Variants in BMP6 observed in about 807,000 individuals in gnomAD.
BMP6 encodes bone morphogenetic protein 6.
A neutral mutation model predicts 54.1 loss-of-function variants in BMP6; 17 were observed. The observed-to-expected ratio is 0.31, with a 90% CI of 0.22 to 0.47. The LOEUF is 0.47. Among genes scored for constraint, BMP6 ranks in the 20% least tolerant of loss-of-function variants. The pLI, the probability that BMP6 is intolerant of heterozygous loss-of-function variation, is 1.00. For synonymous variants in BMP6, 328 were observed against 291.2 expected, an observed-to-expected ratio of 1.13 and a Z score of -1.28; for missense variants, 720 against 690.4, an observed-to-expected ratio of 1.04 and a Z score of -0.48.
intron 1 of BMP6, among the ~76,000 whole-genome samples, chr6:7,730,210 C>T (rs1761827833): frequency 6.6e-6 from 1 of 152,204 alleles, no homozygotes; most frequent in Non-Finnish European, 1.5e-5. Flanking sequence ...CTCTGAGTCA[C>T]ACTGCTTAAA....
chr6:7,827,443 G>C (rs1031631052), intron 1 of BMP6, among the ~76,000 whole-genome samples: 1 of 152,240 alleles, frequency 6.6e-6, no homozygotes, highest in Non-Finnish European at 1.5e-5. Context: ...AGGAGGGAGA[G>C]AGAGTAACTG....
At chr6:7,798,889 G>A (rs1195995031) in intron 1 of BMP6, among the ~76,000 whole-genome samples, 3 of 152,192 alleles carry the variant, frequency 2.0e-5, no homozygotes, top group African/African-American at 7.2e-5. Context: ...ATGGCCAGAC[G>A]CCAGAGTGAT....
intron 1 of BMP6, among the ~76,000 whole-genome samples, chr6:7,831,467 A>G (rs1449331897): frequency 6.6e-6 from 1 of 152,216 alleles, no homozygotes; most frequent in Non-Finnish European, 1.5e-5. Context: ...TTTTACCTCA[A>G]TTGAAAAGAA....
rs1011466644 is a variant in BMP6, at chr6:7,881,636, C to CT, written c.*1295dup. 2 of 147,194 alleles carry CT rather than the reference C, an allele frequency of 1.4e-5. No individual in the cohort carries two copies. Among genetic ancestry groups the CT allele is most frequent in the African/African-American group, 5.2e-5 (2 of 38,218 alleles). The allele number at this position is 147,194 out of a possible 1,614,324, so 9.1% of individuals were successfully genotyped here. ...AAGCTGAAGTTGTGTGTACAAGACT[C>CT]TTGACAGTTGTGCTTCTCTAGGAGG... On this transcript the variant is annotated 3_prime_UTR_variant, in exon 7 of 7. Transcript: ENST00000283147.
chr6:7,783,119 A>G (rs1757972091), intron 1 of BMP6, among the ~76,000 whole-genome samples: 1 of 152,170 alleles, frequency 6.6e-6, no homozygotes, highest in Non-Finnish European at 1.5e-5. Flanking sequence ...GGAGAGAGAA[A>G]GGGTTTGCAC....
chr6:7,790,117 T>G (rs1208409437), intron 1 of BMP6, among the ~76,000 whole-genome samples: 1 of 152,120 alleles, frequency 6.6e-6, no homozygotes, highest in Non-Finnish European at 1.5e-5. Flanking sequence ...CCATTTTCTG[T>G]GAGCAATACA....
chr6:7,876,492 C>G (rs1400703894), intron 4 of BMP6, among the ~76,000 whole-genome samples: 1 of 152,176 alleles, frequency 6.6e-6, no homozygotes, highest in East Asian at 1.9e-4. Flanking sequence ...ACTTTTCATT[C>G]TCTCTTCCAT....
At chr6:7,754,749 G>T (rs994799347) in intron 1 of BMP6, among the ~76,000 whole-genome samples, 3 of 152,006 alleles carry the variant, frequency 2.0e-5, no homozygotes, top group Admixed American at 6.5e-5. Flanking sequence ...ACAGAGTCTC[G>T]CTCTATTGCC....
chr6:7,876,456 C>T (rs772329797), intron 4 of BMP6, among the ~76,000 whole-genome samples: 5 of 152,176 alleles, frequency 3.3e-5, no homozygotes, highest in East Asian at 3.8e-4. Flanking sequence ...TACTGCCTTC[C>T]GAAATTCCTA....
At chr6:7,871,456 G>T (rs1581290847) in intron 4 of BMP6, among the ~76,000 whole-genome samples, 1 of 152,214 alleles carries the variant, frequency 6.6e-6, no homozygotes, top group African/African-American at 2.4e-5. Flanking sequence ...TCGTCCTGGG[G>T]GGGCTTTTAT....
intron 1 of BMP6, among the ~76,000 whole-genome samples, chr6:7,814,507 C>T (rs913383199): frequency 5.9e-5 from 9 of 152,162 alleles, no homozygotes; most frequent in African/African-American, 1.9e-4. Context: ...TCTTCTTTCA[C>T]ATACAGTGTA....
chr6:7,794,042 C>T (rs1451425559), intron 1 of BMP6, among the ~76,000 whole-genome samples: 1 of 152,238 alleles, frequency 6.6e-6, no homozygotes, highest in East Asian at 1.9e-4. Flanking sequence ...CTCTCATTCG[C>T]AAGCTCTGTC....
At chr6:7,786,400 C>T (rs972423738) in intron 1 of BMP6, among the ~76,000 whole-genome samples, 6 of 150,858 alleles carry the variant, frequency 4.0e-5, no homozygotes, top group African/African-American at 9.7e-5. Context: ...GAATTCTGGT[C>T]GTGTGCTACA....
intron 1 of BMP6, among the ~76,000 whole-genome samples, chr6:7,769,949 C>T (rs1275488510): frequency 1.3e-5 from 2 of 152,072 alleles, no homozygotes; most frequent in South Asian, 2.1e-4. Context: ...CATCAAAAAC[C>T]CTTAGTCATC....
chr6:7,792,036 A>G (rs968216501), intron 1 of BMP6, among the ~76,000 whole-genome samples: 1 of 150,036 alleles, frequency 6.7e-6, no homozygotes, highest in African/African-American at 2.5e-5. Flanking sequence ...ATGGATGGAA[A>G]CTTATTTTAA....
chr6:7,742,612 G>A (rs570271700), intron 1 of BMP6, among the ~76,000 whole-genome samples: 18 of 152,298 alleles, frequency 1.2e-4, no homozygotes, highest in African/African-American at 4.1e-4. Context: ...CCAGGGGGCG[G>A]GTGGTCTCTT....
chr6:7,738,502 C>T (rs1484497460), intron 1 of BMP6, among the ~76,000 whole-genome samples: 3 of 152,146 alleles, frequency 2.0e-5, no homozygotes, highest in Non-Finnish European at 2.9e-5. Flanking sequence ...TGCCTCACCA[C>T]GACCTGCTTG....
At chr6:7,786,510 C>T (rs1758023060) in intron 1 of BMP6, among the ~76,000 whole-genome samples, 1 of 147,698 alleles carries the variant, frequency 6.8e-6, no homozygotes, top group African/African-American at 2.5e-5. Context: ...AACCTTTCAG[C>T]TCACATCCTT....
chr6:7,835,145 C>A (rs756156282), intron 1 of BMP6, among the ~76,000 whole-genome samples: 2 of 148,510 alleles, frequency 1.3e-5, no homozygotes, highest in Non-Finnish European at 3.0e-5. Flanking sequence ...GTTTTTGAGA[C>A]GGAGTCTTGC....
Sources: allele counts gnomAD v4.1 joint callset (sites outside exome capture counted in the v4.1 genomes callset), GRCh38; gene constraint gnomAD v4.1.1; transcripts MANE v1.5; gene names NCBI Gene and HGNC (gene_info 2026-07-23, HGNC 2026-07-21).